ANKRD11: variants seen among roughly 807,000 people sequenced by gnomAD.
ANKRD11 encodes ankyrin repeat domain-containing protein 11.
Under a neutral mutation model 195.7 loss-of-function variants are expected in ANKRD11, and 17 were observed. That is an observed-to-expected ratio of 0.09 (90% CI 0.06 to 0.13). The LOEUF (loss-of-function observed/expected upper bound fraction) is 0.13. ANKRD11 is among the 10% of genes least tolerant of loss of function. The probability of loss-of-function intolerance (pLI) is 1.00; values close to 1 mark genes in which losing one functional copy is unlikely to be tolerated. For synonymous variants in ANKRD11, 1,953 were observed against 1,528.1 expected (o/e 1.28, Z -6.49); for missense variants, 3,735 against 3,566.1 (o/e 1.05, Z -1.21).
intron 1 of ANKRD11, among the ~76,000 whole-genome samples, chr16:89,421,340 T>C (rs112179331): frequency 2.2e-3 from 1 of 456 alleles, no homozygotes; most frequent in African/African-American, 0.025. Flanking sequence ...TGTCTGGGGG[T>C]GGGGGTGAGA....
chr16:89,441,172 A>T (rs1007870885), intron 1 of ANKRD11, among the ~76,000 whole-genome samples: 1 of 151,640 alleles, frequency 6.6e-6, no homozygotes, highest in Non-Finnish European at 1.5e-5. Flanking sequence ...AGAGGCAGAG[A>T]TCGCAGTGAG....
chr16:89,450,582 C>A (rs368357319), intron 1 of ANKRD11, among the ~76,000 whole-genome samples: 1 of 152,164 alleles, frequency 6.6e-6, no homozygotes, highest in Admixed American at 6.5e-5. Context: ...AAGCTCTAAG[C>A]CTTTCTTGTG....
Position 89,286,063 on chromosome 16 carries a change from T to A in ANKRD11, c.868A>T (p.Thr290Ser). Residue 290 changes from threonine to serine, a missense_variant, in exon 8 of 13, where the codon ACT (threonine) becomes TCT (serine). Physicochemically the swap from Thr to Ser is moderately conservative, Grantham distance 58. Coordinates refer to ENST00000301030, the MANE Select transcript of ANKRD11 (RefSeq NM_013275.6). ...VNLLLGKGTY[T>S]SSEESSTESS... ...CCCGTCGAGCTCTCCTCGCTGGAAGTGTAAGTGCCTTTGCCTAACAGGAGG... is the reference window on the plus strand; with the variant it reads ...CCCGTCGAGCTCTCCTCGCTGGAAGAGTAAGTGCCTTTGCCTAACAGGAGG... 1 of 1,614,216 alleles carries A rather than the reference T, an allele frequency of 6.2e-7. No homozygotes were observed. The highest frequency in any genetic ancestry group is 8.5e-7 in the Non-Finnish European group (1 of 1,180,034).
At position 89,284,636 on chromosome 16, in the gene ANKRD11, G is replaced by A. The variant is rs765811691; in HGVS notation, c.1906C>T (p.His636Tyr). The A allele has an allele frequency of 6.2e-7, 1 of 1,614,076 alleles. No homozygotes were observed. The highest frequency in any genetic ancestry group is 1.1e-5 in the South Asian group (1 of 91,088). ...CCCTTCTCCTTGTTTTTGTGTTTGT[G>A]TTTTGTTTTATGTTTTTTGACAACT... ...GKVVKKHKTKHKHKNKEKGQC... is the reference protein window; with the variant it reads ...GKVVKKHKTKYKHKNKEKGQC... Residue 636 changes from histidine to tyrosine, a missense_variant, in exon 9 of 13, where the codon CAC becomes TAC. Transcript: ENST00000301030.
chr16:89,470,204 A>C (rs1481040832), intron 1 of ANKRD11, among the ~76,000 whole-genome samples: 3 of 151,886 alleles, frequency 2.0e-5, no homozygotes, highest in African/African-American at 4.8e-5. Flanking sequence ...CCATGCCTAT[A>C]ATGTCACCGG....
intron 2 of ANKRD11, among the ~76,000 whole-genome samples, chr16:89,368,967 G>A (rs1872062190): frequency 6.6e-6 from 1 of 152,090 alleles, no homozygotes; most frequent in Admixed American, 6.5e-5. Context: ...CTTCGTGCTC[G>A]CCTGGAGGGA....
chr16:89,379,197 G>C (rs1431293084), intron 2 of ANKRD11, among the ~76,000 whole-genome samples: 1 of 152,262 alleles, frequency 6.6e-6, no homozygotes, highest in Non-Finnish European at 1.5e-5. Flanking sequence ...CTGGCAGCCG[G>C]CGGGCTAGAA....
Position 89,285,536 on chromosome 16 carries a change from G to C in ANKRD11, c.1006C>G (p.Pro336Ala), listed in dbSNP as rs759102320. ...TTGACGGGGGCCGTGGCCTTCTGTG[G>C]CTCTGGGTTCTTGGCCTTGTGCTTG... is the stretch of plus-strand genomic sequence containing the variant. The part of the protein sequence containing the change: ...GLKHKAKNPE[P>A]QKATAPVKDE... Residue 336 changes from proline to alanine, a missense_variant, in exon 9 of 13, where the codon CCA becomes GCA. Pro to Ala is a conservative substitution (Grantham distance 27). Coordinates refer to ENST00000301030, the MANE Select transcript of ANKRD11 (RefSeq NM_013275.6). This position sits in a 1 kb window ranked among gnomAD's most constrained non-coding sequence, Gnocchi z 5.6. 6.2e-7 allele frequency: 1 copy of C among 1,614,046 alleles called. No individual in the cohort carries two copies. Among genetic ancestry groups the C allele is most frequent in the Non-Finnish European group, 8.5e-7 (1 of 1,179,944 alleles).
At chr16:89,321,420 GGGGCGGGGCCTGCA>G (rs2037316559) in intron 2 of ANKRD11, among the ~76,000 whole-genome samples, 1 of 150,590 alleles carries the variant, frequency 6.6e-6, no homozygotes, top group African/African-American at 2.4e-5. Flanking sequence ...AGGGGACTGT[GGGGCGGGGCCTGCA>G]GGGCAGGGTG....
At chr16:89,471,763 C>T (rs1026280937) in intron 1 of ANKRD11, among the ~76,000 whole-genome samples, 2 of 111,444 alleles carry the variant, frequency 1.8e-5, no homozygotes, top group African/African-American at 3.6e-5. Flanking sequence ...CCAGCCTGGG[C>T]GACAGTGAGA....
chr16:89,371,041 C>T (rs183024651), intron 2 of ANKRD11, among the ~76,000 whole-genome samples: 6 of 152,264 alleles, frequency 3.9e-5, no homozygotes, highest in Admixed American at 3.3e-4. Context: ...ATAGCTGCCC[C>T]GTCTCATGAC....
intron 2 of ANKRD11, among the ~76,000 whole-genome samples, chr16:89,319,199 C>A (rs1012628795): frequency 6.6e-6 from 1 of 152,266 alleles, no homozygotes; most frequent in Non-Finnish European, 1.5e-5. Flanking sequence ...CTCAACAGCT[C>A]TGGCGTGGTC....
At chr16:89,396,747 C>T (rs1210904669) in intron 2 of ANKRD11, among the ~76,000 whole-genome samples, 5 of 152,190 alleles carry the variant, frequency 3.3e-5, no homozygotes, top group Non-Finnish European at 5.9e-5. Flanking sequence ...AGTGCAATGG[C>T]GCCATCTTGG....
At chr16:89,430,253 T>G (rs1260814608) in intron 1 of ANKRD11, among the ~76,000 whole-genome samples, 1 of 123,410 alleles carries the variant, frequency 8.1e-6, no homozygotes, top group African/African-American at 3.2e-5. Context: ...GTCGTTCTAG[T>G]ACACAGCAGG....
chr16:89,324,789 C>T, intron 2 of ANKRD11: 1 of 290,676 alleles, frequency 3.4e-6, no homozygotes, highest in East Asian at 1.1e-4. Context: ...GCGCTGTTGG[C>T]TTCCCGACTT....
At chr16:89,380,510 C>T (rs2040598235) in intron 2 of ANKRD11, among the ~76,000 whole-genome samples, 1 of 152,206 alleles carries the variant, frequency 6.6e-6, no homozygotes, top group African/African-American at 2.4e-5. Context: ...GACCAGCAGT[C>T]TCCACCTGCA....
intron 1 of ANKRD11, among the ~76,000 whole-genome samples, chr16:89,456,541 TCA>T (rs2056444735): frequency 7.3e-6 from 1 of 137,416 alleles, no homozygotes; most frequent in African/African-American, 2.8e-5. Context: ...AGACTCCGTT[TCA>T]AAAAAAAAAA....
intron 4 of ANKRD11, among the ~76,000 whole-genome samples, chr16:89,298,678 T>C (rs1451585272): frequency 6.6e-6 from 1 of 152,200 alleles, no homozygotes; most frequent in African/African-American, 2.4e-5. Flanking sequence ...AACATGGGCC[T>C]GGCTACCGGC....
At chr16:89,303,131 T>C (rs182998302) in intron 4 of ANKRD11, among the ~76,000 whole-genome samples, 3 of 152,284 alleles carry the variant, frequency 2.0e-5, no homozygotes, top group Non-Finnish European at 4.4e-5. Context: ...CCTTACCAAG[T>C]GGGATCATTC....
Sources: gnomAD v4.1 joint callset for allele counts (sites outside exome capture counted in the v4.1 genomes callset) on GRCh38, gnomAD v4.1.1 for gene constraint, Gnocchi (gnomAD v3.1) non-coding constraint, MANE v1.5 for transcripts, NCBI Gene and HGNC (gene_info 2026-07-23, HGNC 2026-07-21) for gene names.